The following L3MBTL4 variants were observed in gnomAD, a reference collection of about 807,000 sequenced individuals.
L3MBTL4 encodes lethal(3)malignant brain tumor-like protein 4.
In L3MBTL4, 70 loss-of-function variants were observed where a neutral mutation model predicts 84.5. That is an observed-to-expected ratio of 0.83 (90% CI 0.68 to 1.01). The LOEUF (loss-of-function observed/expected upper bound fraction) is 1.01. Among genes scored for constraint, L3MBTL4 ranks in the 50% least tolerant of loss-of-function variants. L3MBTL4 has a pLI of 0.00. For synonymous variants in L3MBTL4, 274 were observed against 259.8 expected, an observed-to-expected ratio of 1.05 and a Z score of -0.52; for missense variants, 715 against 754.8, an observed-to-expected ratio of 0.95 and a Z score of 0.62.
chr18:6,395,884 A>G (rs1412562382), intron 1 of L3MBTL4: 1 of 152,226 alleles, frequency 6.6e-6, no homozygotes, highest in Non-Finnish European at 1.5e-5. Context: ...ATGTCTTAAA[A>G]TAAGTACTGA....
intron 16 of L3MBTL4, among the ~76,000 whole-genome samples, chr18:5,972,893 AGAATAGAAT>A: frequency 2.8e-4 from 1 of 3,582 alleles, no homozygotes; most frequent in Non-Finnish European, 4.6e-4. Flanking sequence ...AGAACAGAAG[AGAATAGAAT>A]AGAATAGAAT....
intron 13 of L3MBTL4, among the ~76,000 whole-genome samples, chr18:6,147,198 T>C (rs1156390683): frequency 1.3e-5 from 2 of 152,170 alleles, no homozygotes; most frequent in African/African-American, 4.8e-5. Context: ...ACAGGAAATT[T>C]GTATTATAGT....
At chr18:6,380,744 G>T (rs2054566054) in intron 1 of L3MBTL4, among the ~76,000 whole-genome samples, 2 of 152,110 alleles carry the variant, frequency 1.3e-5, no homozygotes, top group Non-Finnish European at 2.9e-5. Flanking sequence ...CAATTATACG[G>T]TCAATTTTAG....
intron 1 of L3MBTL4, among the ~76,000 whole-genome samples, chr18:6,398,218 G>A (rs1016008695): frequency 6.6e-6 from 1 of 152,160 alleles, no homozygotes; most frequent in Non-Finnish European, 1.5e-5. Context: ...ATAAGCTCAC[G>A]TATAGTTTTA....
intron 14 of L3MBTL4, among the ~76,000 whole-genome samples, chr18:6,124,108 G>A (rs939440722): frequency 6.6e-6 from 1 of 152,176 alleles, no homozygotes; most frequent in Non-Finnish European, 1.5e-5. Context: ...GGAGGGATGA[G>A]AGATCAAACT....
At chr18:6,302,232 C>CA (rs1222490061) in intron 3 of L3MBTL4, among the ~76,000 whole-genome samples, 3 of 152,116 alleles carry the variant, frequency 2.0e-5, no homozygotes, top group Non-Finnish European at 4.4e-5. Context: ...GACACAGGTA[C>CA]CTTCCCTGAG....
At chr18:6,384,446 T>C (rs1599859931) in intron 1 of L3MBTL4, among the ~76,000 whole-genome samples, 1 of 151,818 alleles carries the variant, frequency 6.6e-6, no homozygotes, top group Non-Finnish European at 1.5e-5. Flanking sequence ...GTAGCCAGAG[T>C]ATGGGGTGGA....
intron 1 of L3MBTL4, among the ~76,000 whole-genome samples, chr18:6,409,808 C>T (rs1374310278): frequency 1.3e-5 from 2 of 152,170 alleles, no homozygotes; most frequent in East Asian, 1.9e-4. Flanking sequence ...CCCTAGGGCT[C>T]ACACTGGGGA....
intron 16 of L3MBTL4, among the ~76,000 whole-genome samples, chr18:6,002,737 A>G (rs935930332): frequency 4.6e-5 from 7 of 152,038 alleles, no homozygotes; most frequent in Admixed American, 1.3e-4. Context: ...CACAACAAAA[A>G]TTCACTAAAC....
intron 4 of L3MBTL4, among the ~76,000 whole-genome samples, chr18:6,267,163 C>A (rs1432554501): frequency 3.9e-5 from 6 of 152,048 alleles, no homozygotes; most frequent in African/African-American, 1.2e-4. Flanking sequence ...AGAAAAACAT[C>A]ATATCAATTT....
intron 16 of L3MBTL4, among the ~76,000 whole-genome samples, chr18:6,070,760 C>G (rs1158738938): frequency 1.3e-5 from 2 of 152,012 alleles, no homozygotes; most frequent in African/African-American, 2.4e-5. Flanking sequence ...ATCACTTGAG[C>G]CCCGCAGGTT....
intron 5 of L3MBTL4, among the ~76,000 whole-genome samples, chr18:6,262,026 G>T (rs962537934): frequency 6.6e-6 from 1 of 152,130 alleles, no homozygotes; most frequent in Admixed American, 6.5e-5. Context: ...CTGAGGACAC[G>T]GCACAGGTGT....
intron 16 of L3MBTL4, among the ~76,000 whole-genome samples, chr18:6,071,766 A>AAAGAAAGAAAG (rs1450248139): frequency 1.1e-5 from 1 of 90,766 alleles, no homozygotes. Context: ...AGAAAAAAAG[A>AAAGAAAGAAAG]AAGAAAGAAA....
At chr18:6,411,382 G>A (rs2055957518) in intron 1 of L3MBTL4, among the ~76,000 whole-genome samples, 1 of 152,162 alleles carries the variant, frequency 6.6e-6, no homozygotes, top group Non-Finnish European at 1.5e-5. Context: ...AGTGTAAAAT[G>A]CTATTCGAAT....
chr18:5,975,226 A>G (rs1319942893), intron 16 of L3MBTL4, among the ~76,000 whole-genome samples: 1 of 152,204 alleles, frequency 6.6e-6, no homozygotes, highest in Non-Finnish European at 1.5e-5. Context: ...CACAGTCTGC[A>G]TGACTGGGCC....
intron 16 of L3MBTL4, among the ~76,000 whole-genome samples, chr18:5,992,146 C>A (rs999934710): frequency 6.6e-6 from 1 of 152,132 alleles, no homozygotes; most frequent in Non-Finnish European, 1.5e-5. Context: ...GTTGCAGCAA[C>A]GAGGTACGTG....
chr18:6,359,534 T>G (rs2053589186), intron 1 of L3MBTL4, among the ~76,000 whole-genome samples: 1 of 152,178 alleles, frequency 6.6e-6, no homozygotes, highest in Non-Finnish European at 1.5e-5. Flanking sequence ...AAACACTTTT[T>G]TTTTCATTTC....
intron 4 of L3MBTL4, among the ~76,000 whole-genome samples, chr18:6,271,219 C>T (rs184635755): frequency 1.9e-4 from 29 of 152,090 alleles, no homozygotes; most frequent in Admixed American, 2.6e-4. Flanking sequence ...TTCAAAACTG[C>T]TAAGAAAGTA....
rs1466856901 is a variant in L3MBTL4, at chr18:6,056,279, A to T, written c.1444+24602T>A. Among the ~76,000 whole-genome samples, 3 of 152,164 alleles carry T rather than the reference A, an allele frequency of 2.0e-5. No individual in the cohort carries two copies. The East Asian group carries it at 5.8e-4, about 29-fold the overall frequency. ...GCTTTTGCCTTCGGACTTCAGCGCC[A>T]ATCTATTCAGCACAAAGCAAAATTC... On this transcript the variant is annotated intron_variant, in intron 16 of 18. Coordinates refer to ENST00000317931, the MANE Select transcript of L3MBTL4 (RefSeq NM_001330559.2).
Sources: allele counts gnomAD v4.1 joint callset (sites outside exome capture counted in the v4.1 genomes callset), GRCh38; gene constraint gnomAD v4.1.1; transcripts MANE v1.5; gene names NCBI Gene and HGNC (gene_info 2026-07-23, HGNC 2026-07-21).